Variants in HIVEP2 observed in about 807,000 individuals in gnomAD.
The protein encoded by HIVEP2 is HIVEP zinc finger 2.
A neutral mutation model predicts 180.7 loss-of-function variants in HIVEP2; 14 were observed. That is an observed-to-expected ratio of 0.08 (90% CI 0.05 to 0.12). The LOEUF (loss-of-function observed/expected upper bound fraction) is 0.12. Ranked by LOEUF, HIVEP2 falls within the 10% of genes least tolerant of loss-of-function variation. HIVEP2 has a pLI of 1.00. For synonymous variants in HIVEP2, 1,184 were observed against 1,136.4 expected (o/e 1.04, Z -0.84); for missense variants, 2,579 against 3,008.5 (o/e 0.86, Z 3.34).
rs984847179 is a variant in HIVEP2, at chr6:142,771,952, C to T, written c.2787G>A (p.Gln929=). 2 of 1,614,080 alleles carry T rather than the reference C, an allele frequency of 1.2e-6. No individual in the cohort carries two copies. The highest frequency in any genetic ancestry group is 2.7e-5 in the African/African-American group (2 of 74,912). ...QWPQRSETLS[Q]LPAEKLPPKK... ...TGGGTGGCAACTTCTCCGCGGGGAG[C>T]TGGGAAAGGGTCTCACTTCTCTGGG... is the stretch of plus-strand genomic sequence containing the variant. Residue 929 remains glutamine (Q), a synonymous_variant, in exon 5 of 10, where the codon CAG becomes CAA. Transcript: ENST00000367603. This position sits in a 1 kb window ranked among gnomAD's most constrained non-coding sequence, Gnocchi z 5.4.
chr6:142,780,412 T>G (rs77816138), intron 3 of HIVEP2, among the ~76,000 whole-genome samples: 26,822 of 152,188 alleles, frequency 0.18, 2,446 homozygotes, highest in Middle Eastern at 0.28. Context: ...CTTTCACATT[T>G]GATTTGAAAC....
chr6:142,898,457 T>C (rs1777053275), intron 1 of HIVEP2, among the ~76,000 whole-genome samples: 5 of 150,914 alleles, frequency 3.3e-5, no homozygotes, highest in South Asian at 2.1e-4. Context: ...AGGTCAGGAG[T>C]TCAAGACCAG....
intron 1 of HIVEP2, among the ~76,000 whole-genome samples, chr6:142,886,304 TTTTTTAAA>T (rs1431810726): frequency 6.6e-6 from 1 of 152,214 alleles, no homozygotes; most frequent in Non-Finnish European, 1.5e-5. Context: ...AAATTCTGGT[TTTTTTAAA>T]TTTTATGAGG....
chr6:142,831,857 T>C (rs1775092718), intron 2 of HIVEP2, among the ~76,000 whole-genome samples: 1 of 152,140 alleles, frequency 6.6e-6, no homozygotes, highest in Non-Finnish European at 1.5e-5. Flanking sequence ...AAATTAAACC[T>C]GTGTCCAGGT....
At chr6:142,787,566 C>CAAAA (rs5880546) in intron 2 of HIVEP2, among the ~76,000 whole-genome samples, 1 of 118,228 alleles carries the variant, frequency 8.5e-6, no homozygotes. Context: ...TTCCTCTCTA[C>CAAAA]AAAAAAAAAA....
intron 2 of HIVEP2, among the ~76,000 whole-genome samples, chr6:142,801,413 CA>C (rs10569495): frequency 0.061 from 6,310 of 102,856 alleles, 90 homozygotes; most frequent in Middle Eastern, 0.079. Flanking sequence ...GACTCTGTCT[CA>C]AAAAAAAAAA....
chr6:142,769,093 G>A (rs941988780), intron 5 of HIVEP2, among the ~76,000 whole-genome samples: 3 of 152,212 alleles, frequency 2.0e-5, no homozygotes, highest in Non-Finnish European at 4.4e-5. Flanking sequence ...CAGATGTCTC[G>A]TCAATGAGAG....
chr6:142,891,601 A>G (rs1473339517), intron 1 of HIVEP2, among the ~76,000 whole-genome samples: 2 of 152,100 alleles, frequency 1.3e-5, no homozygotes, highest in African/African-American at 4.8e-5. Context: ...TGATCTGTGC[A>G]CCTGGGCTAT....
At chr6:142,897,143 G>A (rs1008738154) in intron 1 of HIVEP2, among the ~76,000 whole-genome samples, 1 of 152,088 alleles carries the variant, frequency 6.6e-6, no homozygotes, top group South Asian at 2.1e-4. Context: ...AATAGGAAAA[G>A]GGGCTCAACT....
rs1775484584 is a variant in HIVEP2, at chr6:142,770,065, C to T, written c.4674G>A (p.Gly1558=). 6.2e-7 allele frequency: 1 copy of T among 1,614,190 alleles called. No individual in the cohort carries two copies. Among genetic ancestry groups the T allele is most frequent in the Non-Finnish European group, 8.5e-7 (1 of 1,180,036 alleles). ...CTGAAGATTCTTTGCTTTCAGAAGG[C>T]CCACTGGACTTCTGCCCCGGAAGTG... ...RAPLPGQKSS[G]PSESKESSDE... The change falls in exon 5 of 10, where the codon GGG becomes GGA. Residue 1558 remains glycine, a synonymous_variant. Transcript: ENST00000367603. This position sits in a 1 kb window ranked among gnomAD's most constrained non-coding sequence, Gnocchi z 4.7.
intron 5 of HIVEP2, among the ~76,000 whole-genome samples, chr6:142,768,868 TATTA>T: frequency 6.6e-6 from 1 of 152,294 alleles, no homozygotes; most frequent in East Asian, 1.9e-4. Context: ...AAACAATCTA[TATTA>T]ATTAAGGAAG....
intron 1 of HIVEP2, among the ~76,000 whole-genome samples, chr6:142,914,166 A>C (rs916098112): frequency 6.6e-6 from 1 of 152,174 alleles, no homozygotes; most frequent in Admixed American, 6.5e-5. Context: ...CCATTTTCTC[A>C]CATGTCAGCC....
intron 1 of HIVEP2, 123 bp from the exon 2 acceptor site, chr6:142,837,170 G>A (rs1775246397): frequency 6.6e-6 from 1 of 152,078 alleles, no homozygotes; most frequent in East Asian, 1.9e-4. Flanking sequence ...CTACGTTACT[G>A]TGCTACTTAA....
intron 1 of HIVEP2, among the ~76,000 whole-genome samples, chr6:142,898,369 T>C (rs1022762326): frequency 6.6e-6 from 1 of 152,104 alleles, no homozygotes; most frequent in Non-Finnish European, 1.5e-5. Context: ...ATCTAAAATG[T>C]AGGTCACACA....
intron 1 of HIVEP2, among the ~76,000 whole-genome samples, chr6:142,839,714 G>A (rs1775315438): frequency 6.6e-6 from 1 of 152,124 alleles, no homozygotes; most frequent in Non-Finnish European, 1.5e-5. Flanking sequence ...ACTGATCACA[G>A]TAAATGAGCT....
At chr6:142,810,042 A>G (rs1776651485) in intron 2 of HIVEP2, among the ~76,000 whole-genome samples, 1 of 152,172 alleles carries the variant, frequency 6.6e-6, no homozygotes, top group African/African-American at 2.4e-5. Context: ...TGCTTCTTCT[A>G]GGTTTGTTCT....
intron 1 of HIVEP2, among the ~76,000 whole-genome samples, chr6:142,854,181 C>G (rs980067286): frequency 6.6e-6 from 1 of 152,064 alleles, no homozygotes; most frequent in African/African-American, 2.4e-5. Context: ...TGATTCTGCC[C>G]CCTTAAGAGA....
At position 142,935,705 on chromosome 6, in the gene HIVEP2, G is replaced by A. The variant is rs537010583; in HGVS notation, c.-641+9394C>T. Among the ~76,000 whole-genome samples the A allele has an allele frequency of 7.9e-5, 12 of 152,190 alleles. No homozygotes were observed. The South Asian group carries it at 1.7e-3, about 21-fold the overall frequency. ...GGTGTTTTTCCTTACCATTTGGACC[G>A]TAAGCTTCTTGAGAATTATGACTTT... On this transcript the variant is annotated intron_variant, in intron 1 of 9. Transcript: ENST00000367603.
intron 1 of HIVEP2, among the ~76,000 whole-genome samples, chr6:142,882,628 G>A (rs571708395): frequency 5.3e-5 from 8 of 151,488 alleles, no homozygotes; most frequent in South Asian, 4.2e-4. Flanking sequence ...AAACAGAAAG[G>A]GGGGGAGGGG....
Sources: gnomAD v4.1 joint callset for allele counts (sites outside exome capture counted in the v4.1 genomes callset) on GRCh38, gnomAD v4.1.1 for gene constraint, Gnocchi (gnomAD v3.1) non-coding constraint, MANE v1.5 for transcripts, NCBI Gene and HGNC (gene_info 2026-07-23, HGNC 2026-07-21) for gene names.